SGCD: variants seen among roughly 807,000 people sequenced by gnomAD.
The protein encoded by SGCD is sarcoglycan delta.
Under a neutral mutation model 36.6 loss-of-function variants are expected in SGCD, and 18 were observed. The ratio of observed to expected loss-of-function variants is 0.49; its 90% CI spans 0.34 to 0.73. The LOEUF (loss-of-function observed/expected upper bound fraction) is 0.73. Among genes scored for constraint, SGCD ranks in the 30% least tolerant of loss-of-function variants. The pLI is 0.01. For synonymous variants in SGCD, 133 were observed against 130.6 expected (o/e 1.02, Z -0.12); for missense variants, 387 against 346.7 (o/e 1.12, Z -0.92).
intron 4 of SGCD, among the ~76,000 whole-genome samples, chr5:156,510,885 G>T (rs187072348): frequency 6.6e-6 from 1 of 152,322 alleles, no homozygotes; most frequent in Non-Finnish European, 1.5e-5. Flanking sequence ...TGTTTTAGAA[G>T]ACTTGAAAAC....
chr5:156,170,347 G>T (rs1395868851), intron 3 of SGCD, among the ~76,000 whole-genome samples: 1 of 152,158 alleles, frequency 6.6e-6, no homozygotes, highest in Non-Finnish European at 1.5e-5. Context: ...ATAAGGAGTA[G>T]AATTATTATT....
At chr5:156,647,876 TA>T (rs1236003220) in intron 7 of SGCD, among the ~76,000 whole-genome samples, 2 of 152,130 alleles carry the variant, frequency 1.3e-5, no homozygotes, top group African/African-American at 4.8e-5. Flanking sequence ...AAATGATATC[TA>T]AAAGAAGATG....
the SGCD span, among the ~76,000 whole-genome samples, chr5:155,766,826 G>C: frequency 2.0e-5 from 3 of 152,152 alleles, no homozygotes; most frequent in Non-Finnish European, 4.4e-5. Context: ...CAGGGTCACA[G>C]AACAGTGCAT....
chr5:156,176,240 A>G (rs545190794), intron 3 of SGCD, among the ~76,000 whole-genome samples: 1 of 152,014 alleles, frequency 6.6e-6, no homozygotes, highest in South Asian at 2.1e-4. Flanking sequence ...TATTTTATCA[A>G]CCCCAGCCAG....
intron 3 of SGCD, among the ~76,000 whole-genome samples, chr5:156,271,664 ACTTTTTTTCACCAAGGACAGCAGTC>A (rs1433609656): frequency 6.6e-6 from 1 of 151,950 alleles, no homozygotes; most frequent in Non-Finnish European, 1.5e-5. Context: ...AGAGAGTGTG[ACTTTTTTTCACCAAGGACAGCAGTC>A]CTTGGGAGCT....
At chr5:156,545,889 A>T (rs1002246581) in intron 4 of SGCD, among the ~76,000 whole-genome samples, 2 of 152,222 alleles carry the variant, frequency 1.3e-5, no homozygotes, top group Non-Finnish European at 2.9e-5. Flanking sequence ...GTAGAGAAGG[A>T]TTCCACAGCA....
chr5:155,747,330 G>C, the SGCD span, among the ~76,000 whole-genome samples: 16 of 152,152 alleles, frequency 1.1e-4, no homozygotes, highest in African/African-American at 3.6e-4. Flanking sequence ...TTGGAATCTG[G>C]TTGCCCTTTA....
At chr5:155,772,668 A>C in the SGCD span, among the ~76,000 whole-genome samples, 1 of 152,144 alleles carries the variant, frequency 6.6e-6, no homozygotes, top group Non-Finnish European at 1.5e-5. Flanking sequence ...CAAGGTTTTA[A>C]GTTATTAATG....
chr5:156,578,042 C>T (rs1760057351), intron 4 of SGCD, among the ~76,000 whole-genome samples: 1 of 152,148 alleles, frequency 6.6e-6, no homozygotes, highest in African/African-American at 2.4e-5. Context: ...ATGATATTGG[C>T]TGTAGGTTTG....
At chr5:156,578,461 A>G (rs551260998) in intron 4 of SGCD, among the ~76,000 whole-genome samples, 8 of 151,952 alleles carry the variant, frequency 5.3e-5, no homozygotes, top group Non-Finnish European at 8.8e-5. Context: ...CTCTTTTTCT[A>G]TTGATTGGAA....
At chr5:156,164,314 T>G (rs1763161623) in intron 3 of SGCD, among the ~76,000 whole-genome samples, 2 of 148,120 alleles carry the variant, frequency 1.4e-5, no homozygotes, top group Non-Finnish European at 2.9e-5. Context: ...GCATTGAAAA[T>G]TCTATCAATT....
Position 156,124,020 on chromosome 5 carries a change from G to A in SGCD, c.-44+1G>A, listed in dbSNP as rs1762110803. The A allele has an allele frequency of 6.6e-6, 1 of 152,114 alleles. No individual in the cohort carries two copies. The highest frequency in any genetic ancestry group is 2.4e-5 in the African/African-American group (1 of 41,414). The allele number at this position is 152,114 out of a possible 1,614,324, so 9.4% of individuals were successfully genotyped here. On this transcript the variant is annotated splice_donor_variant, in intron 3 of 9. Coordinates refer to the SGCD transcript ENST00000517913. LOFTEE classifies it low-confidence loss of function (5UTR_SPLICE). ...ATTCAAAAAGTTTAGGACTGCTAAG[G>A]TATGAGTTTGTGACTTTATTATTTT...
At chr5:156,627,537 C>G (rs1195847873) in intron 6 of SGCD, among the ~76,000 whole-genome samples, 1 of 152,064 alleles carries the variant, frequency 6.6e-6, no homozygotes, top group African/African-American at 2.4e-5. Context: ...TTATCACTAA[C>G]ATTTGTATTT....
At chr5:156,748,109 A>C (rs1757013850) in intron 7 of SGCD, among the ~76,000 whole-genome samples, 1 of 152,214 alleles carries the variant, frequency 6.6e-6, no homozygotes, top group South Asian at 2.1e-4. Context: ...CTCTAGTTTC[A>C]AAAATCATAA....
At chr5:156,217,948 A>G (rs1397663987) in intron 3 of SGCD, among the ~76,000 whole-genome samples, 2 of 152,170 alleles carry the variant, frequency 1.3e-5, no homozygotes, top group Non-Finnish European at 2.9e-5. Flanking sequence ...AGAATCTCTA[A>G]TATAATTTTA....
intron 6 of SGCD, among the ~76,000 whole-genome samples, chr5:156,624,546 A>C (rs185107195): frequency 6.6e-6 from 1 of 152,168 alleles, no homozygotes; most frequent in Non-Finnish European, 1.5e-5. Context: ...GCGCCACTGC[A>C]CTCCAGCCTG....
chr5:156,757,784 G>A, intron 8 of SGCD, 80 bp downstream of exon 8: 1 of 1,534,018 alleles, frequency 6.5e-7, no homozygotes, highest in Non-Finnish European at 8.8e-7. Context: ...TGACCTCGGA[G>A]TTGGATCCTA....
At chr5:156,191,142 G>A (rs1763882468) in intron 3 of SGCD, among the ~76,000 whole-genome samples, 1 of 152,006 alleles carries the variant, frequency 6.6e-6, no homozygotes, top group Non-Finnish European at 1.5e-5. Context: ...CAGAGTACAT[G>A]ATATCCAGGA....
At chr5:156,174,573 A>G (rs1763420837) in intron 3 of SGCD, among the ~76,000 whole-genome samples, 1 of 152,222 alleles carries the variant, frequency 6.6e-6, no homozygotes, top group African/African-American at 2.4e-5. Flanking sequence ...TCCCAAGAGC[A>G]AAGTACAGAG....
Sources: allele counts gnomAD v4.1 joint callset (sites outside exome capture counted in the v4.1 genomes callset), GRCh38; gene constraint gnomAD v4.1.1; transcripts MANE v1.5; gene names NCBI Gene and HGNC (gene_info 2026-07-23, HGNC 2026-07-21).